Variants in ZNF608 observed in about 807,000 individuals in gnomAD.
ZNF608 encodes zinc finger protein 608, also known as renal carcinoma antigen NY-REN-36.
Under a neutral mutation model 109.0 loss-of-function variants are expected in ZNF608, and 12 were observed. The observed-to-expected ratio is 0.11, with a 90% CI of 0.07 to 0.18. ZNF608 has a LOEUF of 0.18. Ranked by LOEUF, ZNF608 falls within the 10% of genes least tolerant of loss-of-function variation. The pLI is 1.00. For synonymous variants in ZNF608, 732 were observed against 717.4 expected, an observed-to-expected ratio of 1.02 and a Z score of -0.33; for missense variants, 1,707 against 1,879.3, an observed-to-expected ratio of 0.91 and a Z score of 1.70.
intron 8 of ZNF608, among the ~76,000 whole-genome samples, chr5:124,640,501 C>T (rs774358607): frequency 4.6e-5 from 7 of 152,164 alleles, no homozygotes; most frequent in African/African-American, 1.7e-4. Flanking sequence ...CCTGAGCAGA[C>T]GCTGGCTGTA....
At chr5:124,674,873 C>T (rs1323125630) in intron 3 of ZNF608, among the ~76,000 whole-genome samples, 1 of 152,088 alleles carries the variant, frequency 6.6e-6, no homozygotes, top group Non-Finnish European at 1.5e-5. Flanking sequence ...CTCACCTCCC[C>T]AAATGCTAGG....
At chr5:124,696,687 A>C (rs888181609) in intron 3 of ZNF608, among the ~76,000 whole-genome samples, 5 of 152,204 alleles carry the variant, frequency 3.3e-5, no homozygotes, top group Non-Finnish European at 7.3e-5. Flanking sequence ...TCATCAGCAC[A>C]GTGATTAAAC....
intron 2 of ZNF608, among the ~76,000 whole-genome samples, chr5:124,711,253 T>C (rs1753476535): frequency 6.6e-6 from 1 of 152,208 alleles, no homozygotes; most frequent in African/African-American, 2.4e-5. Flanking sequence ...GAACCTCTCT[T>C]CTAACAGTTT....
At chr5:124,721,798 C>T (rs143503242) in intron 2 of ZNF608, among the ~76,000 whole-genome samples, 1,516 of 151,224 alleles carry the variant, frequency 0.01, 21 homozygotes, top group African/African-American at 0.031. Context: ...ATTACCCAGG[C>T]GAGGTGGCGG....
In ZNF608 at chr5:124,646,181, G is replaced by A. The variant is rs1216907609; in HGVS notation, c.3705+498C>T. Among the ~76,000 whole-genome samples, 4 of 152,050 alleles carry A rather than the reference G, an allele frequency of 2.6e-5. No individual in the cohort carries two copies. The East Asian group carries it at 5.8e-4, about 22-fold the overall frequency. Reference sequence around the variant, plus strand: ...ATCGAGACCATCTCGCTAACACGGTGAAACCCCATCTCTACTAAAAATACA... The same window carrying A: ...ATCGAGACCATCTCGCTAACACGGTAAAACCCCATCTCTACTAAAAATACA... On this transcript the variant is annotated intron_variant, in intron 5 of 9. Coordinates refer to ENST00000513986, the MANE Select transcript of ZNF608 (RefSeq NM_020747.3).
At chr5:124,675,191 A>G (rs1025256243) in intron 3 of ZNF608, among the ~76,000 whole-genome samples, 3 of 152,214 alleles carry the variant, frequency 2.0e-5, no homozygotes, top group African/African-American at 7.2e-5. Context: ...GCAAGGGTGA[A>G]ATTTACAGAA....
At chr5:124,694,523 G>A (rs1435316657) in intron 3 of ZNF608, among the ~76,000 whole-genome samples, 1 of 152,056 alleles carries the variant, frequency 6.6e-6, no homozygotes, top group Non-Finnish European at 1.5e-5. Flanking sequence ...CTGCTACCCT[G>A]TGCTGCTCTG....
chr5:124,637,860 A>G lies in ZNF608; in HGVS notation c.*40T>C, dbSNP rs759685792. The G allele has an allele frequency of 1.9e-6, 3 of 1,602,018 alleles. No individual in the cohort carries two copies. Among genetic ancestry groups the G allele is most frequent in the South Asian group, 2.2e-5 (2 of 89,316 alleles). On this transcript the variant is annotated 3_prime_UTR_variant, in exon 10 of 10. Transcript: ENST00000513986. ...TGATGTCTGTATAAAGCGCTTCCCC[A>G]TGTGATCCAGTCACATGACAATGTA...
At chr5:124,741,981 T>C (rs1749429938) in intron 2 of ZNF608, among the ~76,000 whole-genome samples, 1 of 152,198 alleles carries the variant, frequency 6.6e-6, no homozygotes, top group South Asian at 2.1e-4. Flanking sequence ...GTGGCACAGC[T>C]TCCTCTGGTA....
Position 124,647,207 on chromosome 5 carries a change from T to C in ZNF608, c.3177A>G (p.Leu1059=). The C allele has an allele frequency of 6.2e-7, 1 of 1,614,210 alleles. No homozygotes were observed. The highest frequency in any genetic ancestry group is 8.5e-7 in the Non-Finnish European group (1 of 1,180,046). Residue 1059 remains leucine (L), a synonymous_variant, in exon 5 of 10, where the codon TTA becomes TTG. Transcript: ENST00000513986. The part of the protein sequence containing the change: ...SKKVDHNSAS[L]QPQHQSVITQ... Reference sequence around the variant, plus strand: ...TGATCACCGACTGGTGCTGAGGCTGTAAGGATGCAGAATTGTGGTCCACTT... The same window carrying C: ...TGATCACCGACTGGTGCTGAGGCTGCAAGGATGCAGAATTGTGGTCCACTT...
At chr5:124,649,206 G>T in intron 4 of ZNF608, 73 bp from the exon 5 acceptor site, 1 of 1,296,100 alleles carries the variant, frequency 7.7e-7, no homozygotes, top group Non-Finnish European at 1.0e-6. Context: ...AGTACACAAT[G>T]CAGTAAAGAG....
chr5:124,711,578 GCCCTCCCC>G, intron 2 of ZNF608, among the ~76,000 whole-genome samples: 1 of 152,180 alleles, frequency 6.6e-6, no homozygotes, highest in African/African-American at 2.4e-5. Flanking sequence ...TTAACCCCAG[GCCCTCCCC>G]TTTAGATGGG....
At chr5:124,715,118 C>T (rs1217394155) in intron 2 of ZNF608, among the ~76,000 whole-genome samples, 5 of 152,100 alleles carry the variant, frequency 3.3e-5, no homozygotes, top group Admixed American at 2.6e-4. Flanking sequence ...AAAATGCTTC[C>T]TCAGCTATTT....
rs1750397252 is a variant in ZNF608 at position 124,644,383 on chromosome 5, T to C, written c.3984A>G (p.Thr1328=). ...TPVNWKDSRG[T]RVAVSSPMSQ... The stretch of plus-strand genomic sequence containing the variant: ...TCATGGGTGAGGAGACAGCCACTCT[T>C]GTTCCCCGAGAGTCCTTCCAGTTCA... The change falls in exon 6 of 10, where the codon ACA becomes ACG. Residue 1328 remains threonine, a synonymous_variant. Coordinates refer to ENST00000513986, the MANE Select transcript of ZNF608 (RefSeq NM_020747.3). 1.2e-6 allele frequency: 2 copies of C among 1,614,050 alleles called. No homozygotes were observed. Among genetic ancestry groups the C allele is most frequent in the African/African-American group, 1.3e-5 (1 of 74,898 alleles).
chr5:124,654,740 G>T (rs1561539963), intron 3 of ZNF608, among the ~76,000 whole-genome samples: 1 of 152,186 alleles, frequency 6.6e-6, no homozygotes, highest in Non-Finnish European at 1.5e-5. Flanking sequence ...CCACTTCCAG[G>T]CCTGGCCCAT....
chr5:124,695,776 A>G (rs1752821968), intron 3 of ZNF608, among the ~76,000 whole-genome samples: 2 of 152,168 alleles, frequency 1.3e-5, no homozygotes, highest in African/African-American at 4.8e-5. Context: ...CTCAAAAAAA[A>G]AAAGAATTAG....
rs150066117 is a variant in ZNF608, at chr5:124,659,374, A to T, written c.1163-9677T>A. ...GCTCTGAATTTGAGAAGTCATTAACAGCTATCTGCCACTTCCGTATTTTCT... is the reference window on the plus strand; with the variant it reads ...GCTCTGAATTTGAGAAGTCATTAACTGCTATCTGCCACTTCCGTATTTTCT... On this transcript the variant is annotated intron_variant, in intron 3 of 9. Transcript: ENST00000513986. Among the ~76,000 whole-genome samples, 62 of 152,336 alleles carry T rather than the reference A, an allele frequency of 4.1e-4. No homozygotes were observed. The Middle Eastern group carries it at 0.024, about 59-fold the overall frequency.
Position 124,709,257 on chromosome 5 carries a change from G to A in ZNF608, c.907-7988C>T, listed in dbSNP as rs944804033. Reference sequence around the variant, plus strand: ...GAGGAAAGGGGGTCACTGACTCTTCGTGTCTGACTGCCAGAAGGATCCCTA... The same window carrying A: ...GAGGAAAGGGGGTCACTGACTCTTCATGTCTGACTGCCAGAAGGATCCCTA... On this transcript the variant is annotated intron_variant, in intron 2 of 9. Coordinates refer to ENST00000513986, the MANE Select transcript of ZNF608 (RefSeq NM_020747.3). 5.4e-5 allele frequency among the ~76,000 whole-genome samples: 8 copies of A among 149,304 alleles called. No individual in the cohort carries two copies. In the East Asian group the frequency reaches 1.4e-3, roughly 26 times the overall value.
chr5:124,678,144 G>A (rs1280382323), intron 3 of ZNF608, among the ~76,000 whole-genome samples: 1 of 152,080 alleles, frequency 6.6e-6, no homozygotes, highest in African/African-American at 2.4e-5. Context: ...CAATTAGAGA[G>A]TTCTTAGCTT....
Sources: gnomAD v4.1 joint callset for allele counts (sites outside exome capture counted in the v4.1 genomes callset) on GRCh38, gnomAD v4.1.1 for gene constraint, MANE v1.5 for transcripts, NCBI Gene and HGNC (gene_info 2026-07-23, HGNC 2026-07-21) for gene names.